CDHR2: variants seen among roughly 807,000 people sequenced by gnomAD.
CDHR2 encodes the protein cadherin related family member 2, also known as cadherin-related family member 2.
Under a neutral mutation model 138.6 loss-of-function variants are expected in CDHR2, and 104 were observed. The observed-to-expected ratio is 0.75, with a 90% CI of 0.64 to 0.88. The LOEUF (loss-of-function observed/expected upper bound fraction) is 0.88. CDHR2 is among the 40% of genes least tolerant of loss of function. CDHR2 has a pLI of 0.00. For missense variants in CDHR2, 1,624 were observed against 1,727.6 expected (o/e 0.94, Z 1.06); for synonymous variants, 755 against 742.8 (o/e 1.02, Z -0.27).
Position 176,578,178 on chromosome 5 carries a change from C to T in CDHR2, c.1574+83C>T, listed in dbSNP as rs1343692296. ...CTGCCTCTCTGCAGAGATAGAATAGCTGGGGAAGACCGAAGGCACTCAGTT... is the reference window on the plus strand; with the variant it reads ...CTGCCTCTCTGCAGAGATAGAATAGTTGGGGAAGACCGAAGGCACTCAGTT... On this transcript the variant is annotated intron_variant, in intron 15 of 31. Transcript: ENST00000261944. 2.9e-6 allele frequency: 4 copies of T among 1,362,134 alleles called. No individual in the cohort carries two copies. The Admixed American group carries it at 7.9e-5, about 27-fold the overall frequency. 84.4% of individuals were successfully genotyped at this position (1,362,134 alleles called of 1,614,324 possible). A position where few individuals can be genotyped will look rare whatever the true frequency, so the allele number is the denominator to read the frequency against.
rs1465443754 is a variant in CDHR2 at position 176,591,502 on chromosome 5, C to T, written c.3734+18C>T. On this transcript the variant is annotated intron_variant, in intron 30 of 31. Transcript: ENST00000261944. ...TCTGTCAGGTGAGCAGTGCCCCTCA[C>T]AGCCAGGCTAGGTGGTGGTGGTGGT... 6.3e-7 allele frequency: 1 copy of T among 1,590,682 alleles called. No homozygotes were observed. The highest frequency in any genetic ancestry group is 8.6e-7 in the Non-Finnish European group (1 of 1,159,236).
At position 176,543,354 on chromosome 5, in the gene CDHR2, G is replaced by A. The variant is rs970522459; in HGVS notation, c.-16+585G>A. Among the ~76,000 whole-genome samples, 2 of 148,634 alleles carry A rather than the reference G, an allele frequency of 1.3e-5. No homozygotes were observed. Among genetic ancestry groups the A allele is most frequent in the African/African-American group, 2.4e-5 (1 of 41,036 alleles). On this transcript the variant is annotated intron_variant, in intron 1 of 31. Coordinates refer to the CDHR2 transcript ENST00000510636. This position sits in a 1 kb window ranked among gnomAD's most constrained non-coding sequence, Gnocchi z 4.0. ...GCGGTGCGGCTGCGGCCCGCGCGCC[G>A]CCTGCCGCGGCCCCTCTCCGGCCCG... is the stretch of plus-strand genomic sequence containing the variant.
chr5:176,592,634 G>T, intron 30 of CDHR2, 89 bp from the exon 31 acceptor site: 3 of 989,434 alleles, frequency 3.0e-6, no homozygotes, highest in Non-Finnish European at 4.9e-6. Flanking sequence ...CGTGGTGATG[G>T]TGATGGTGGT....
chr5:176,594,682 C>A (rs1240987111), intron 31 of CDHR2, among the ~76,000 whole-genome samples: 1 of 152,216 alleles, frequency 6.6e-6, no homozygotes, highest in Admixed American at 6.5e-5. Context: ...CTCTGGGGCC[C>A]CTCGGATGTT....
Position 176,586,861 on chromosome 5 carries a change from C to G in CDHR2, c.2856+19C>G, listed in dbSNP as rs775121908. 2.3e-5 allele frequency: 37 copies of G among 1,603,376 alleles called. No individual in the cohort carries two copies. Among genetic ancestry groups the G allele is most frequent in the African/African-American group, 2.7e-5 (2 of 74,818 alleles). On this transcript the variant is annotated intron_variant, in intron 21 of 31. Transcript: ENST00000261944. ...TGTCCGGGTAAGTTCTTGGCTCCAG[C>G]CTTTGTTGGTCATATGAGCCCCAGG...
intron 1 of CDHR2, among the ~76,000 whole-genome samples, chr5:176,555,871 A>T (rs1463250006): frequency 6.6e-6 from 1 of 152,056 alleles, no homozygotes; most frequent in Non-Finnish European, 1.5e-5. Context: ...ACTGCCCTCC[A>T]GCCTGGGAGA....
intron 1 of CDHR2, among the ~76,000 whole-genome samples, chr5:176,561,257 G>T (rs6888203): frequency 5.9e-5 from 9 of 152,180 alleles, no homozygotes; most frequent in South Asian, 4.1e-4. Flanking sequence ...ACTTGCCCAA[G>T]GTTATGCTGG....
intron 16 of CDHR2, among the ~76,000 whole-genome samples, chr5:176,580,126 G>GCACGCACTCA (rs1758491789): frequency 9.0e-6 from 1 of 110,842 alleles, no homozygotes; most frequent in East Asian, 2.9e-4. Flanking sequence ...ACACACTCAC[G>GCACGCACTCA]CACGCACTCA....
At chr5:176,558,062 C>T (rs934090599) in intron 1 of CDHR2, among the ~76,000 whole-genome samples, 2 of 152,026 alleles carry the variant, frequency 1.3e-5, no homozygotes, top group Admixed American at 6.6e-5. Flanking sequence ...CAGCCCATCA[C>T]GCTTCCCCAG....
At chr5:176,580,298 G>A (rs1309722454) in intron 16 of CDHR2, among the ~76,000 whole-genome samples, 1 of 152,154 alleles carries the variant, frequency 6.6e-6, no homozygotes, top group Non-Finnish European at 1.5e-5. Context: ...GGAGGCCGAG[G>A]TGGGTGGATC....
chr5:176,582,712 G>A (rs1758558788), intron 17 of CDHR2, among the ~76,000 whole-genome samples: 1 of 152,164 alleles, frequency 6.6e-6, no homozygotes, highest in African/African-American at 2.4e-5. Flanking sequence ...AGCCCAGGAG[G>A]TTGAGGCTGC....
chr5:176,551,701 CTTT>C (rs34996600), intron 1 of CDHR2, among the ~76,000 whole-genome samples: 2 of 114,252 alleles, frequency 1.8e-5, no homozygotes, highest in East Asian at 2.7e-4. Flanking sequence ...CAAGAGTTCT[CTTT>C]TTTTTTTTTT....
At chr5:176,565,170 CCCCTGA>C in intron 1 of CDHR2, 162 bp from the exon 2 acceptor site, 1 of 606,848 alleles carries the variant, frequency 1.6e-6, no homozygotes, top group Non-Finnish European at 3.0e-6. Flanking sequence ...CCCCTTGGTT[CCCCTGA>C]CCCTAGAGCA....
In CDHR2 at chr5:176,569,578, G is replaced by A. The variant is rs182044408; in HGVS notation, c.315+568G>A. 4.3e-3 allele frequency among the ~76,000 whole-genome samples: 649 copies of A among 152,204 alleles called. 4 individuals are homozygous for A. The highest frequency in any genetic ancestry group is 5.7e-3 in the Non-Finnish European group (386 of 68,016). On this transcript the variant is annotated intron_variant, in intron 5 of 31. Transcript: ENST00000261944. ...ATTACAGGCGTGAGCCACCACGCCC[G>A]GCCTAAATGTATTATTAATGTATAT...
At chr5:176,546,799 G>A (rs1467080133), upstream of CDHR2, among the ~76,000 whole-genome samples, 1 of 150,036 alleles carries the variant, frequency 6.7e-6, no homozygotes, top group Non-Finnish European at 1.5e-5. Flanking sequence ...GACCCCAGAG[G>A]AGCCTGGTCT....
intron 10 of CDHR2, 27 bp from the exon 11 acceptor site, chr5:176,575,697 C>T (rs1581141298): frequency 6.3e-7 from 1 of 1,593,200 alleles, no homozygotes; most frequent in South Asian, 1.1e-5. Context: ...GCAGCTGTTC[C>T]AGCTGTTCCG....
chr5:176,573,641 C>T (rs983816209), intron 6 of CDHR2, among the ~76,000 whole-genome samples: 5 of 142,058 alleles, frequency 3.5e-5, no homozygotes, highest in African/African-American at 1.3e-4. Flanking sequence ...AGTGAAACTC[C>T]ATCTCAGGAA....
chr5:176,572,713 T>A (rs1225323776), intron 6 of CDHR2, among the ~76,000 whole-genome samples: 1 of 152,208 alleles, frequency 6.6e-6, no homozygotes, highest in Non-Finnish European at 1.5e-5. Context: ...CGTTGCCATG[T>A]GCCTGCAAAG....
chr5:176,553,221 A>G lies in CDHR2; in HGVS notation c.-16+3807A>G, dbSNP rs1757746964. 1.3e-5 allele frequency among the ~76,000 whole-genome samples: 2 copies of G among 152,210 alleles called. No individual in the cohort carries two copies. Among genetic ancestry groups the G allele is most frequent in the African/African-American group, 4.8e-5 (2 of 41,452 alleles). ...ACCTGTGGGAAAATCGGGCAGCTCA[A>G]GAAGGAAAACCCAGGAGCCTAGAAA... is the stretch of plus-strand genomic sequence containing the variant. On this transcript the variant is annotated intron_variant, in intron 1 of 31. Transcript: ENST00000261944. This position sits in a 1 kb window ranked among gnomAD's most constrained non-coding sequence, Gnocchi z 4.3.
Sources: gnomAD v4.1 joint callset for allele counts (sites outside exome capture counted in the v4.1 genomes callset) on GRCh38, gnomAD v4.1.1 for gene constraint, Gnocchi (gnomAD v3.1) non-coding constraint, MANE v1.5 for transcripts, NCBI Gene and HGNC (gene_info 2026-07-23, HGNC 2026-07-21) for gene names.